The following PRKG1 variants were observed in gnomAD, a reference collection of about 807,000 sequenced individuals.
The protein encoded by PRKG1 is protein kinase cGMP-dependent 1.
In PRKG1, 35 loss-of-function variants were observed where a neutral mutation model predicts 88.1. That is an observed-to-expected ratio of 0.40 (90% CI 0.30 to 0.53). The LOEUF (loss-of-function observed/expected upper bound fraction) is 0.53, where lower values mean the gene tolerates loss of function less well. Ranked by LOEUF, PRKG1 falls within the 20% of genes least tolerant of loss-of-function variation. The pLI is 0.59. For missense variants in PRKG1, 540 were observed against 839.8 expected (o/e 0.64, Z 4.41); for synonymous variants, 303 against 292.5 (o/e 1.04, Z -0.37).
intron 1 of PRKG1, among the ~76,000 whole-genome samples, chr10:51,029,431 G>T (rs1406013597): frequency 6.6e-6 from 1 of 152,100 alleles, no homozygotes; most frequent in Non-Finnish European, 1.5e-5. Context: ...CATGTCATTA[G>T]CCTGTAACTA....
Position 51,495,187 on chromosome 10 carries a change from G to A in PRKG1, c.592+27351G>A, listed in dbSNP as rs1037185079. Among the ~76,000 whole-genome samples, 21 of 151,958 alleles carry A rather than the reference G, an allele frequency of 1.4e-4. 1 individual carries two copies. The highest frequency in any genetic ancestry group is 1.2e-3 in the Admixed American group (18 of 15,256). ...TTGGCTCACTGCAACCTCTGCCTCT[G>A]GGGTTCAAGCTATTCTCCTGCCTCA... On this transcript the variant is annotated intron_variant, in intron 3 of 17. Transcript: ENST00000373980.
chr10:51,735,831 A>T (rs1837250598), intron 3 of PRKG1, among the ~76,000 whole-genome samples: 1 of 142,292 alleles, frequency 7.0e-6, no homozygotes, highest in African/African-American at 2.6e-5. Flanking sequence ...TAACCCATGG[A>T]TATGGGGCAG....
intron 8 of PRKG1, among the ~76,000 whole-genome samples, chr10:52,153,597 G>A (rs1439554412): frequency 6.6e-6 from 1 of 152,154 alleles, no homozygotes; most frequent in Non-Finnish European, 1.5e-5. Flanking sequence ...CACTTGCAGG[G>A]AGTAATGTGT....
intron 1 of PRKG1, among the ~76,000 whole-genome samples, chr10:50,993,974 C>T (rs984658196): frequency 6.6e-6 from 1 of 152,158 alleles, no homozygotes; most frequent in African/African-American, 2.4e-5. Flanking sequence ...GGATCATGCG[C>T]AGTAGCCGTC....
chr10:51,021,984 C>A lies in PRKG1; in HGVS notation c.266+30340C>A, dbSNP rs557584990. On this transcript the variant is annotated intron_variant, in intron 1 of 17. Transcript: ENST00000401604. ...GTGTGAGCCACTGCGCCTGACCAAG[C>A]CTGGTTCTTATAATGGGTATGAATC... Among the ~76,000 whole-genome samples, 30 of 152,246 alleles carry A rather than the reference C, an allele frequency of 2.0e-4. No homozygotes were observed. In the South Asian group the frequency reaches 6.2e-3, roughly 32 times the overall value.
intron 3 of PRKG1, among the ~76,000 whole-genome samples, chr10:51,791,689 A>G (rs1343945582): frequency 6.6e-6 from 1 of 152,156 alleles, no homozygotes; most frequent in Non-Finnish European, 1.5e-5. Flanking sequence ...AGCAAGGTAT[A>G]GTGGCAAAAG....
At chr10:51,350,102 T>A (rs924463359) in intron 2 of PRKG1, among the ~76,000 whole-genome samples, 1 of 152,240 alleles carries the variant, frequency 6.6e-6, no homozygotes, top group Non-Finnish European at 1.5e-5. Context: ...GTTCATTATT[T>A]GAATTCATAA....
intron 3 of PRKG1, among the ~76,000 whole-genome samples, chr10:51,722,385 T>A (rs1842035259): frequency 6.6e-6 from 1 of 152,056 alleles, no homozygotes; most frequent in South Asian, 2.1e-4. Context: ...TTACTTAGTA[T>A]GGAGAACATA....
At chr10:52,040,180 A>G (rs1845721193) in intron 5 of PRKG1, among the ~76,000 whole-genome samples, 1 of 152,226 alleles carries the variant, frequency 6.6e-6, no homozygotes, top group Non-Finnish European at 1.5e-5. Context: ...AGTAAATTCT[A>G]CATACATTTG....
intron 7 of PRKG1, among the ~76,000 whole-genome samples, chr10:52,098,835 G>C (rs1358295262): frequency 3.9e-5 from 6 of 152,128 alleles, no homozygotes; most frequent in African/African-American, 1.4e-4. Context: ...GAGTGGGTGA[G>C]AAATGTGTTC....
intron 7 of PRKG1, among the ~76,000 whole-genome samples, chr10:52,118,098 C>G (rs1847730940): frequency 6.6e-6 from 1 of 151,920 alleles, no homozygotes. Flanking sequence ...CAAGAAAATA[C>G]TTAAATAAAT....
intron 5 of PRKG1, among the ~76,000 whole-genome samples, chr10:51,986,045 ATGGCTG>A (rs1844149358): frequency 2.6e-5 from 4 of 152,204 alleles, no homozygotes; most frequent in African/African-American, 7.2e-5. Context: ...CGGTGACAGC[ATGGCTG>A]ACTGGGAGCT....
At chr10:51,021,861 AG>A (rs1171954698) in intron 1 of PRKG1, among the ~76,000 whole-genome samples, 2 of 151,872 alleles carry the variant, frequency 1.3e-5, no homozygotes, top group Non-Finnish European at 2.9e-5. Flanking sequence ...TTGTATTTTT[AG>A]TAGAGATGGG....
chr10:51,657,106 G>C (rs1034626261), intron 3 of PRKG1, among the ~76,000 whole-genome samples: 1 of 152,136 alleles, frequency 6.6e-6, no homozygotes, highest in Non-Finnish European at 1.5e-5. Context: ...TGTTTATTAG[G>C]TAGTAGGTGG....
intron 3 of PRKG1, among the ~76,000 whole-genome samples, chr10:51,704,002 A>G (rs1052430893): frequency 6.6e-6 from 1 of 151,776 alleles, no homozygotes; most frequent in Non-Finnish European, 1.5e-5. Flanking sequence ...AAAATTAACC[A>G]GGTGTGGTGG....
chr10:51,479,012 A>G (rs1412092011), intron 3 of PRKG1, among the ~76,000 whole-genome samples: 2 of 152,168 alleles, frequency 1.3e-5, no homozygotes, highest in Middle Eastern at 3.4e-3. Context: ...ACGTCAAGAT[A>G]CCTTAAAAGT....
chr10:52,161,857 A>C, intron 8 of PRKG1, 32 bp from the exon 9 acceptor site: 1 of 1,596,408 alleles, frequency 6.3e-7, no homozygotes, highest in Non-Finnish European at 8.6e-7. Context: ...ATTTTGTAGA[A>C]GATTAATCAC....
At chr10:51,119,822 T>A (rs2131913027) in intron 1 of PRKG1, among the ~76,000 whole-genome samples, 1 of 152,234 alleles carries the variant, frequency 6.6e-6, no homozygotes, top group Non-Finnish European at 1.5e-5. Flanking sequence ...GTATAAAAAA[T>A]AATTAATTTT....
intron 9 of PRKG1, among the ~76,000 whole-genome samples, chr10:52,206,100 C>T: frequency 2.2e-5 from 1 of 46,222 alleles, no homozygotes; most frequent in African/African-American, 5.0e-5. Flanking sequence ...TTTGTTCATT[C>T]TTTTTAATTC....
Sources: gnomAD v4.1 joint callset for allele counts (sites outside exome capture counted in the v4.1 genomes callset) on GRCh38, gnomAD v4.1.1 for gene constraint, MANE v1.5 for transcripts, NCBI Gene and HGNC (gene_info 2026-07-23, HGNC 2026-07-21) for gene names.